The following CR2 variants were observed in gnomAD, a reference collection of about 807,000 sequenced individuals.
CR2 encodes the protein complement C3d receptor 2.
CR2 carries 96 observed loss-of-function variants against 123.0 expected under a neutral mutation model. The observed-to-expected ratio is 0.78, with a 90% CI of 0.66 to 0.93. The LOEUF is 0.93. Ranked by LOEUF, CR2 falls within the 40% of genes least tolerant of loss-of-function variation. CR2 has a pLI of 0.00. For synonymous variants in CR2, 484 were observed against 469.5 expected, an observed-to-expected ratio of 1.03 and a Z score of -0.40; for missense variants, 1,258 against 1,361.0, an observed-to-expected ratio of 0.92 and a Z score of 1.19.
intron 1 of CR2, among the ~76,000 whole-genome samples, chr1:207,466,060 G>A (rs561440398): frequency 7.9e-5 from 12 of 152,272 alleles, no homozygotes; most frequent in East Asian, 5.8e-4. Context: ...AGTAGTTTGC[G>A]TTATACTATA....
At chr1:207,455,808 T>C (rs184091937) in intron 1 of CR2, among the ~76,000 whole-genome samples, 1 of 152,332 alleles carries the variant, frequency 6.6e-6, no homozygotes, top group East Asian at 1.9e-4. Context: ...GTCCTGCCAA[T>C]TCAGGGCCAC....
At chr1:207,459,268 A>G (rs925802998) in intron 1 of CR2, among the ~76,000 whole-genome samples, 4 of 151,008 alleles carry the variant, frequency 2.6e-5, no homozygotes, top group Non-Finnish European at 5.9e-5. Flanking sequence ...GTATACAAGC[A>G]TGAGAACCCT....
At chr1:207,480,431 CATGTT>C (rs1658572923) in intron 18 of CR2, among the ~76,000 whole-genome samples, 1 of 147,042 alleles carries the variant, frequency 6.8e-6, no homozygotes, top group Non-Finnish European at 1.5e-5. Flanking sequence ...CATTTAGACT[CATGTT>C]TATGTTTTTA....
At position 207,466,636 on chromosome 1, in the gene CR2, C is replaced by T. The variant is rs1039507759; in HGVS notation, c.169C>T (p.Leu57Phe). The T allele has an allele frequency of 7.4e-6, 12 of 1,613,912 alleles. No homozygotes were observed. In the Admixed American group the frequency reaches 1.2e-4, roughly 16 times the overall value. Residue 57 changes from leucine (L) to phenylalanine (F), a missense_variant, in exon 2 of 20, where the codon CTC becomes TTC. Leu to Phe is a conservative substitution (Grantham distance 22). Coordinates refer to ENST00000367057, the MANE Select transcript of CR2 (RefSeq NM_001006658.3). ...IRYSCSGTFR[L>F]IGEKSLLCIT... ...GTACAGTTGTTCAGGTACCTTCCGC[C>T]TCATTGGAGAAAAAAGTCTATTATG... is the stretch of plus-strand genomic sequence containing the variant.
At chr1:207,471,583 G>A (rs757354811) in intron 9 of CR2, 84 bp downstream of exon 9, 61 of 916,314 alleles carry the variant, frequency 6.7e-5, no homozygotes, top group Non-Finnish European at 1.0e-4. Context: ...GACATGTTAT[G>A]AGAATTAGAG....
intron 2 of CR2, among the ~76,000 whole-genome samples, chr1:207,467,997 G>T (rs1265573059): frequency 6.6e-6 from 1 of 152,148 alleles, no homozygotes; most frequent in Non-Finnish European, 1.5e-5. Flanking sequence ...AGGATAGGGT[G>T]AGAATATAGG....
intron 1 of CR2, among the ~76,000 whole-genome samples, chr1:207,459,559 A>T (rs1416407808): frequency 6.6e-6 from 1 of 152,122 alleles, no homozygotes; most frequent in African/African-American, 2.4e-5. Flanking sequence ...AAGCCATTCC[A>T]GGTAAAGTCC....
chr1:207,473,882 A>T lies in CR2; in HGVS notation c.2237A>T (p.Asp746Val). Residue 746 changes from aspartate to valine, a missense_variant, in exon 12 of 20, where the codon GAT becomes GTT. Physicochemically the swap from Asp to Val is radical, Grantham distance 152. Transcript: ENST00000367057. ...GAGCTAGTTAATACGTCCTGCCAAG[A>T]TGGGTGAGTATGAAGTGGTCTATTC... is the stretch of plus-strand genomic sequence containing the variant. Reference protein sequence around the residue: ...RVELVNTSCQDGYQLTGHAYQ... With the variant: ...RVELVNTSCQVGYQLTGHAYQ... 1.9e-6 allele frequency: 3 copies of T among 1,613,520 alleles called. No individual in the cohort carries two copies. Among genetic ancestry groups the T allele is most frequent in the Non-Finnish European group, 2.5e-6 (3 of 1,179,652 alleles).
In CR2 at chr1:207,454,552, G is replaced by A; in HGVS notation, c.58+76G>A. 8.3e-7 allele frequency: 1 copy of A among 1,197,844 alleles called. No homozygotes were observed. The highest frequency in any genetic ancestry group is 1.5e-5 in the African/African-American group (1 of 65,152). The allele number at this position is 1,197,844 out of a possible 1,614,324, so 74.2% of individuals were successfully genotyped here. A position where few individuals can be genotyped will look rare whatever the true frequency, so the allele number is the denominator to read the frequency against. On this transcript the variant is annotated intron_variant, in intron 1 of 19. Coordinates refer to ENST00000367057, the MANE Select transcript of CR2 (RefSeq NM_001006658.3). The surrounding 1 kb of genome is among the most constrained non-coding windows in gnomAD (Gnocchi z 4.3). ...AGTTTCTGTGCCGCGATGCAAAGCA[G>A]GGGGCCAAAAGCGAGACGGTGGGGG...
intron 2 of CR2, among the ~76,000 whole-genome samples, chr1:207,467,389 A>G (rs564015907): frequency 6.6e-6 from 1 of 152,184 alleles, no homozygotes; most frequent in South Asian, 2.1e-4. Context: ...GAAGTTATCC[A>G]CTATTTCCCC....
chr1:207,477,505 A>G (rs561109685), intron 15 of CR2, among the ~76,000 whole-genome samples: 3 of 152,300 alleles, frequency 2.0e-5, no homozygotes, highest in African/African-American at 7.2e-5. Context: ...AAGAAATGAG[A>G]AAGCACGCAC....
chr1:207,469,889 C>T lies in CR2; in HGVS notation c.1012C>T (p.Pro338Ser). Residue 338 changes from proline (P) to serine (S), a missense_variant, in exon 6 of 20, where the codon CCT becomes TCT. Coordinates refer to ENST00000367057, the MANE Select transcript of CR2 (RefSeq NM_001006658.3). ...DSQKTGTWSG[P>S]APRCELSTSA... ...TCAGAAGACTGGGACCTGGAGTGGC[C>T]CTGCCCCACGCTGTGAACTTTCTAC... 6.2e-7 allele frequency: 1 copy of T among 1,613,952 alleles called. No individual in the cohort carries two copies. The highest frequency in any genetic ancestry group is 1.7e-4 in the Middle Eastern group (1 of 6,056).
chr1:207,475,301 A>G lies in CR2; in HGVS notation c.2716+85A>G, dbSNP rs906415239. On this transcript the variant is annotated intron_variant, in intron 14 of 19. Coordinates refer to ENST00000367057, the MANE Select transcript of CR2 (RefSeq NM_001006658.3). ...TGAATCTGCACTTGACATTCTGCCT[A>G]AAGAAAAGCATCTAAGAGCTAAGGC... 3 of 1,458,262 alleles carry G rather than the reference A, an allele frequency of 2.1e-6. No homozygotes were observed. The African/African-American group carries it at 4.2e-5, about 21-fold the overall frequency. The allele number at this position is 1,458,262 out of a possible 1,614,324, so 90.3% of individuals were successfully genotyped here.
rs1397852486 is a variant in CR2 at position 207,485,543 on chromosome 1, C to G, written c.3268C>G (p.Pro1090Ala). ...AGTATATTCTGTTGATCCATACAAC[C>G]CAGCCAGCTGATCAGAAGACAAACT... ...REVYSVDPYN[P>A]AS Residue 1090 changes from proline (P) to alanine (A), a missense_variant, in exon 19 of 20, where the codon CCA (proline) becomes GCA (alanine). Pro to Ala is a conservative substitution (Grantham distance 27). Coordinates refer to ENST00000367057, the MANE Select transcript of CR2 (RefSeq NM_001006658.3). 2 of 1,608,814 alleles carry G rather than the reference C, an allele frequency of 1.2e-6. No individual in the cohort carries two copies. Among genetic ancestry groups the G allele is most frequent in the Non-Finnish European group, 1.7e-6 (2 of 1,175,370 alleles).
chr1:207,469,015 G>A, intron 4 of CR2, 116 bp downstream of exon 4: 1 of 1,370,248 alleles, frequency 7.3e-7, no homozygotes, highest in Non-Finnish European at 1.0e-6. Context: ...CTGGGGTAGG[G>A]TTGTGAGAGG....
Position 207,475,079 on chromosome 1 carries a change from A to G in CR2, c.2579A>G (p.Lys860Arg). The G allele has an allele frequency of 6.2e-7, 1 of 1,612,998 alleles. No homozygotes were observed. The highest frequency in any genetic ancestry group is 8.5e-7 in the Non-Finnish European group (1 of 1,179,238). ...PEVKHGYKLN[K>R]THSAYSHNDI... ...GTCAAACATGGGTACAAGCTCAATAAAACACATTCTGCATATTCCCACAAT... is the reference window on the plus strand; with the variant it reads ...GTCAAACATGGGTACAAGCTCAATAGAACACATTCTGCATATTCCCACAAT... Residue 860 changes from lysine (K) to arginine (R), a missense_variant, in exon 14 of 20, where the codon AAA (lysine) becomes AGA (arginine). Physicochemically the swap from Lys to Arg is conservative, Grantham distance 26 (BLOSUM62 2). Coordinates refer to ENST00000367057, the MANE Select transcript of CR2 (RefSeq NM_001006658.3).
Position 207,478,032 on chromosome 1 carries a change from A to T in CR2, c.3050A>T (p.Asp1017Val). The change falls in exon 16 of 20, where the codon GAT (aspartate) becomes GTT (valine). Residue 1017 changes from aspartate (D) to valine (V), a missense_variant. Coordinates refer to ENST00000367057, the MANE Select transcript of CR2 (RefSeq NM_001006658.3). The stretch of plus-strand genomic sequence containing the variant: ...AGTCCCCAGAGCCAGTGCCAATCGG[A>T]TCACCAATGGAACCCTCCCCTGGCG... ...EGSPQSQCQS[D>V]HQWNPPLAVC... is the part of the protein sequence containing the mutation. 1.2e-6 allele frequency: 2 copies of T among 1,614,058 alleles called. No individual in the cohort carries two copies. The highest frequency in any genetic ancestry group is 1.7e-6 in the Non-Finnish European group (2 of 1,179,986).
In CR2 at chr1:207,454,550, C is replaced by T; in HGVS notation, c.58+74C>T. The stretch of plus-strand genomic sequence containing the variant: ...AAAGTTTCTGTGCCGCGATGCAAAG[C>T]AGGGGGCCAAAAGCGAGACGGTGGG... On this transcript the variant is annotated intron_variant, in intron 1 of 19. Transcript: ENST00000367057. This position sits in a 1 kb window ranked among gnomAD's most constrained non-coding sequence, Gnocchi z 4.3. 8.3e-7 allele frequency: 1 copy of T among 1,199,556 alleles called. No individual in the cohort carries two copies. The highest frequency in any genetic ancestry group is 1.5e-5 in the African/African-American group (1 of 65,184). 74.3% of individuals were successfully genotyped at this position (1,199,556 alleles called of 1,614,324 possible). A position where few individuals can be genotyped will look rare whatever the true frequency, so the allele number is the denominator to read the frequency against.
chr1:207,481,466 T>C (rs1044693626), intron 18 of CR2, among the ~76,000 whole-genome samples: 1 of 152,132 alleles, frequency 6.6e-6, no homozygotes, highest in African/African-American at 2.4e-5. Context: ...CCGAGATGTG[T>C]TCCCCCTCTT....
Sources: allele counts gnomAD v4.1 joint callset (sites outside exome capture counted in the v4.1 genomes callset), GRCh38; gene constraint gnomAD v4.1.1; non-coding constraint Gnocchi (gnomAD v3.1); transcripts MANE v1.5; gene names NCBI Gene and HGNC (gene_info 2026-07-23, HGNC 2026-07-21).